The following PCDH9 variants were observed in gnomAD, a reference collection of about 807,000 sequenced individuals.
PCDH9 encodes protocadherin 9.
PCDH9 carries 24 observed loss-of-function variants against 70.6 expected under a neutral mutation model. The ratio of observed to expected loss-of-function variants is 0.34; its 90% CI spans 0.25 to 0.48. PCDH9 has a LOEUF of 0.48. Ranked by LOEUF, PCDH9 falls within the 20% of genes least tolerant of loss-of-function variation. PCDH9 has a pLI of 0.99. For missense variants in PCDH9, 1,281 were observed against 1,503.6 expected, an observed-to-expected ratio of 0.85 and a Z score of 2.45; for synonymous variants, 562 against 558.5, an observed-to-expected ratio of 1.01 and a Z score of -0.09.
At chr13:66,547,431 A>G (rs1246081376) in intron 4 of PCDH9, among the ~76,000 whole-genome samples, 1 of 152,194 alleles carries the variant, frequency 6.6e-6, no homozygotes. Context: ...GGTTAATTAA[A>G]TTGACTTTCT....
chr13:66,641,500 C>G (rs2077708409), intron 3 of PCDH9, among the ~76,000 whole-genome samples: 1 of 152,178 alleles, frequency 6.6e-6, no homozygotes, highest in Non-Finnish European at 1.5e-5. Context: ...AAGAACAGAA[C>G]ATGACAATGA....
At chr13:66,697,046 C>T (rs1395578879) in intron 3 of PCDH9, among the ~76,000 whole-genome samples, 55 of 151,892 alleles carry the variant, frequency 3.6e-4, no homozygotes, top group Admixed American at 3.6e-3. Flanking sequence ...TGCAGTGAGC[C>T]ATGATCACAC....
intron 3 of PCDH9, among the ~76,000 whole-genome samples, chr13:66,648,896 A>T (rs1359080069): frequency 1.3e-5 from 2 of 152,204 alleles, no homozygotes; most frequent in African/African-American, 4.8e-5. Flanking sequence ...AATTTTAAAA[A>T]ACCAAGCATA....
chr13:66,353,806 G>A (rs1956334010), intron 4 of PCDH9, among the ~76,000 whole-genome samples: 1 of 152,044 alleles, frequency 6.6e-6, no homozygotes, highest in South Asian at 2.1e-4. Context: ...TCTGGAGATA[G>A]AACTATTTGC....
chr13:66,591,290 C>T (rs1318284768), intron 4 of PCDH9, among the ~76,000 whole-genome samples: 1 of 151,604 alleles, frequency 6.6e-6, no homozygotes, highest in Non-Finnish European at 1.5e-5. Flanking sequence ...CTTTATGCAG[C>T]TGTTTTCATG....
chr13:67,206,805 G>A (rs1481903502), intron 2 of PCDH9: 1 of 152,126 alleles, frequency 6.6e-6, no homozygotes, highest in Non-Finnish European at 1.5e-5. Context: ...CATCATTCCA[G>A]TCAAGTAGTC....
chr13:66,712,597 C>T (rs2078810055), intron 3 of PCDH9, among the ~76,000 whole-genome samples: 1 of 151,962 alleles, frequency 6.6e-6, no homozygotes, highest in African/African-American at 2.4e-5. Flanking sequence ...TTAGGCAATG[C>T]CAAGCTTCAA....
chr13:66,703,730 TA>T (rs887310176), intron 3 of PCDH9, among the ~76,000 whole-genome samples: 23 of 147,904 alleles, frequency 1.6e-4, no homozygotes, highest in African/African-American at 1.7e-4. Context: ...CCCCCGTCTC[TA>T]AAAAAAAAAT....
intron 4 of PCDH9, among the ~76,000 whole-genome samples, chr13:66,410,532 A>G (rs79493091): frequency 0.027 from 4,103 of 152,304 alleles, 199 homozygotes; most frequent in African/African-American, 0.093. Flanking sequence ...TTCAAAATGA[A>G]TGATTTCTCA....
intron 2 of PCDH9, among the ~76,000 whole-genome samples, chr13:66,955,378 TG>T (rs1249205594): frequency 1.3e-5 from 2 of 152,200 alleles, no homozygotes; most frequent in African/African-American, 4.8e-5. Flanking sequence ...AGCTGAGACC[TG>T]TCCCCAAAAA....
intron 3 of PCDH9, among the ~76,000 whole-genome samples, chr13:66,724,894 T>A (rs1002115356): frequency 1.3e-5 from 2 of 152,166 alleles, no homozygotes; most frequent in Admixed American, 6.6e-5. Flanking sequence ...AAGCTCTGAA[T>A]TAATGGCCTC....
chr13:67,026,050 AC>A (rs1391378994), intron 2 of PCDH9, among the ~76,000 whole-genome samples: 1 of 152,154 alleles, frequency 6.6e-6, no homozygotes, highest in Non-Finnish European at 1.5e-5. Context: ...AACTAAAACT[AC>A]ATCTAATGAA....
chr13:66,733,946 A>G (rs1048684433), intron 3 of PCDH9, among the ~76,000 whole-genome samples: 1 of 152,134 alleles, frequency 6.6e-6, no homozygotes, highest in Non-Finnish European at 1.5e-5. Flanking sequence ...TGCCCCGGAG[A>G]GGTCTGGCCT....
chr13:66,978,886 AG>A (rs2083679082), intron 2 of PCDH9, among the ~76,000 whole-genome samples: 1 of 151,220 alleles, frequency 6.6e-6, no homozygotes, highest in Non-Finnish European at 1.5e-5. Context: ...GAAGTTATTA[AG>A]GCCAAAATCA....
At chr13:66,553,084 A>T (rs766514444) in intron 4 of PCDH9, among the ~76,000 whole-genome samples, 1 of 152,128 alleles carries the variant, frequency 6.6e-6, no homozygotes, top group Admixed American at 6.5e-5. Flanking sequence ...CCTACAACAC[A>T]TGGATATTAT....
At chr13:66,860,340 A>C (rs908064637) in intron 3 of PCDH9, among the ~76,000 whole-genome samples, 1 of 142,634 alleles carries the variant, frequency 7.0e-6, no homozygotes, top group Non-Finnish European at 1.5e-5. Context: ...TGGCTGGGGG[A>C]GGGGAGGGGT....
At chr13:67,133,758 A>G (rs2087164419) in intron 2 of PCDH9, among the ~76,000 whole-genome samples, 1 of 152,110 alleles carries the variant, frequency 6.6e-6, no homozygotes, top group Non-Finnish European at 1.5e-5. Flanking sequence ...TATTAAAAAA[A>G]TGACTCAGAA....
intron 3 of PCDH9, among the ~76,000 whole-genome samples, chr13:66,829,441 A>T (rs1207562256): frequency 2.0e-5 from 3 of 152,104 alleles, no homozygotes; most frequent in Non-Finnish European, 4.4e-5. Context: ...CTTGGGTTGG[A>T]CTGGGATTGG....
chr13:66,890,586 T>A lies in PCDH9; in HGVS notation c.3138+12918A>T, dbSNP rs894236850. ...ATGGTCTTTCTCAAGTACCTGGAAG[T>A]CATCCCTTTGAAATGAATTCATCAA... On this transcript the variant is annotated intron_variant, in intron 3 of 4. Coordinates refer to ENST00000377865, the MANE Select transcript of PCDH9 (RefSeq NM_203487.3). Among the ~76,000 whole-genome samples the A allele has an allele frequency of 5.9e-5, 9 of 151,946 alleles. No individual in the cohort carries two copies. In the East Asian group the frequency reaches 1.8e-3, roughly 30 times the overall value.
Sources: allele counts gnomAD v4.1 joint callset (sites outside exome capture counted in the v4.1 genomes callset), GRCh38; gene constraint gnomAD v4.1.1; transcripts MANE v1.5; gene names NCBI Gene and HGNC (gene_info 2026-07-23, HGNC 2026-07-21).